The following WWOX variants were observed in gnomAD, a reference collection of about 807,000 sequenced individuals.
The protein encoded by WWOX is WW domain-containing oxidoreductase.
WWOX carries 69 observed loss-of-function variants against 46.2 expected under a neutral mutation model. The observed-to-expected ratio is 1.49, with a 90% CI of 1.23 to 1.82. The LOEUF (loss-of-function observed/expected upper bound fraction) is 1.82. Among genes scored for constraint, WWOX ranks in the 40% most tolerant of loss-of-function variants. The pLI is 0.00. For missense variants in WWOX, 919 were observed against 542.6 expected, an observed-to-expected ratio of 1.69 and a Z score of -6.89; for synonymous variants, 359 against 202.6, an observed-to-expected ratio of 1.77 and a Z score of -6.56.
At chr16:79,148,008 C>G (rs952573629) in intron 8 of WWOX, among the ~76,000 whole-genome samples, 1 of 152,056 alleles carries the variant, frequency 6.6e-6, no homozygotes, top group Non-Finnish European at 1.5e-5. Context: ...CAAATATCTT[C>G]TCTCAATCTA....
chr16:79,179,080 G>T (rs1212009388), intron 8 of WWOX, among the ~76,000 whole-genome samples: 1 of 152,154 alleles, frequency 6.6e-6, no homozygotes, highest in East Asian at 1.9e-4. Flanking sequence ...AGAGTTAGGG[G>T]ACCAAGGTCC....
At chr16:78,550,537 C>G (rs537090852) in intron 8 of WWOX, among the ~76,000 whole-genome samples, 5 of 152,312 alleles carry the variant, frequency 3.3e-5, no homozygotes, top group East Asian at 1.9e-4. Flanking sequence ...AAATCATTTT[C>G]TTTTTTGATT....
intron 8 of WWOX, among the ~76,000 whole-genome samples, chr16:78,433,852 G>A (rs1455411875): frequency 7.0e-6 from 1 of 143,606 alleles, no homozygotes; most frequent in Middle Eastern, 3.7e-3. Context: ...TGCAGTGGCG[G>A]GATCTCGGCT....
chr16:78,325,267 A>C (rs768395485), intron 5 of WWOX, among the ~76,000 whole-genome samples: 8 of 152,252 alleles, frequency 5.3e-5, no homozygotes, highest in Non-Finnish European at 1.2e-4. Flanking sequence ...GCCTCTGATC[A>C]CAGGTGTTGT....
intron 8 of WWOX, among the ~76,000 whole-genome samples, chr16:78,489,470 G>A (rs1458670495): frequency 6.6e-6 from 1 of 152,044 alleles, no homozygotes; most frequent in Non-Finnish European, 1.5e-5. Flanking sequence ...GGACATTCGT[G>A]AGCTCTTTTT....
chr16:78,321,768 G>A (rs943608136), intron 5 of WWOX, among the ~76,000 whole-genome samples: 4 of 152,152 alleles, frequency 2.6e-5, no homozygotes, highest in Non-Finnish European at 5.9e-5. Context: ...CACATCACAG[G>A]CCCTCCCTGT....
chr16:78,583,239 G>A (rs931033976), intron 8 of WWOX, among the ~76,000 whole-genome samples: 2 of 152,164 alleles, frequency 1.3e-5, no homozygotes, highest in African/African-American at 4.8e-5. Flanking sequence ...CAAAGAACCA[G>A]GGCCAAAGCA....
chr16:78,840,638 G>A lies in WWOX; in HGVS notation c.1057-370970G>A, dbSNP rs142067795. On this transcript the variant is annotated intron_variant, in intron 8 of 8. Transcript: ENST00000566780. Reference sequence around the variant, plus strand: ...AAATGTGATGTCCTCATAAATCACCGAGGGATCTTGTTAAATTTGGATTCT... The same window carrying A: ...AAATGTGATGTCCTCATAAATCACCAAGGGATCTTGTTAAATTTGGATTCT... 3.2e-4 allele frequency among the ~76,000 whole-genome samples: 49 copies of A among 152,070 alleles called. 1 individual carries two copies. Among genetic ancestry groups the A allele is most frequent in the East Asian group, 2.9e-3 (15 of 5,170 alleles).
intron 5 of WWOX, among the ~76,000 whole-genome samples, chr16:78,268,180 C>T (rs1360097767): frequency 3.3e-5 from 5 of 152,130 alleles, no homozygotes; most frequent in Non-Finnish European, 5.9e-5. Context: ...GCTGGAAGTA[C>T]TTCACAAAGG....
At chr16:78,953,084 C>G (rs1048961864) in intron 8 of WWOX, among the ~76,000 whole-genome samples, 2 of 151,592 alleles carry the variant, frequency 1.3e-5, no homozygotes, top group Non-Finnish European at 2.9e-5. Flanking sequence ...TGACCATATA[C>G]CAACCAAATT....
intron 8 of WWOX, among the ~76,000 whole-genome samples, chr16:79,020,351 A>G (rs1264961476): frequency 6.6e-6 from 1 of 152,156 alleles, no homozygotes; most frequent in Non-Finnish European, 1.5e-5. Context: ...CTTAAGTCCA[A>G]CCAGTGGTTA....
At chr16:78,577,873 G>C (rs1567656943) in intron 8 of WWOX, among the ~76,000 whole-genome samples, 1 of 152,052 alleles carries the variant, frequency 6.6e-6, no homozygotes, top group African/African-American at 2.4e-5. Context: ...TTCAGTTTCA[G>C]GATTTCCGTT....
At chr16:79,167,400 TC>T (rs1458682077) in intron 8 of WWOX, among the ~76,000 whole-genome samples, 2 of 152,172 alleles carry the variant, frequency 1.3e-5, no homozygotes, top group Non-Finnish European at 2.9e-5. Flanking sequence ...GTGTGTAGTT[TC>T]CCTCCATGAC....
chr16:79,048,331 C>T (rs985062507), intron 8 of WWOX, among the ~76,000 whole-genome samples: 1 of 152,032 alleles, frequency 6.6e-6, no homozygotes, highest in East Asian at 1.9e-4. Context: ...CCTCCAGCCC[C>T]ACACACATGC....
intron 8 of WWOX, among the ~76,000 whole-genome samples, chr16:78,635,559 C>T (rs1461793299): frequency 6.6e-6 from 1 of 152,172 alleles, no homozygotes; most frequent in Non-Finnish European, 1.5e-5. Context: ...CTCATCCTCT[C>T]TGCGCCTCAG....
chr16:78,922,337 A>C (rs1180689513), intron 8 of WWOX, among the ~76,000 whole-genome samples: 1 of 152,020 alleles, frequency 6.6e-6, no homozygotes, highest in Non-Finnish European at 1.5e-5. Flanking sequence ...CAAGCAAACA[A>C]AGACTCTTTT....
chr16:79,067,411 C>G (rs943020285), intron 8 of WWOX, among the ~76,000 whole-genome samples: 5 of 152,136 alleles, frequency 3.3e-5, no homozygotes, highest in South Asian at 2.1e-4. Flanking sequence ...CCTCCTTGAC[C>G]TTTCTTAAAA....
chr16:78,776,689 C>T (rs2050197747), intron 8 of WWOX, among the ~76,000 whole-genome samples: 1 of 152,086 alleles, frequency 6.6e-6, no homozygotes, highest in Non-Finnish European at 1.5e-5. Context: ...TTAATTGACT[C>T]ACAATTCTGC....
chr16:78,490,473 C>G (rs972476169), intron 8 of WWOX, among the ~76,000 whole-genome samples: 3 of 152,064 alleles, frequency 2.0e-5, no homozygotes, highest in Non-Finnish European at 4.4e-5. Flanking sequence ...TTGTAGTTCC[C>G]GCAAATCTAT....
Sources: gnomAD v4.1 joint callset for allele counts (sites outside exome capture counted in the v4.1 genomes callset) on GRCh38, gnomAD v4.1.1 for gene constraint, MANE v1.5 for transcripts, NCBI Gene and HGNC (gene_info 2026-07-23, HGNC 2026-07-21) for gene names.